AFF1: variants seen among roughly 807,000 people sequenced by gnomAD.
AFF1 encodes the protein ALF transcription elongation factor 1, also known as AF4/FMR2 family member 1.
A neutral mutation model predicts 121.7 loss-of-function variants in AFF1; 48 were observed. That is an observed-to-expected ratio of 0.39 (90% CI 0.31 to 0.50). The LOEUF is 0.50. Ranked by LOEUF, AFF1 falls within the 20% of genes least tolerant of loss-of-function variation. The pLI is 0.76. For missense variants in AFF1, 1,523 were observed against 1,511.7 expected, an observed-to-expected ratio of 1.01 and a Z score of -0.12; for synonymous variants, 613 against 563.0, an observed-to-expected ratio of 1.09 and a Z score of -1.26.
chr4:86,981,233 C>T (rs1226611332), intron 2 of AFF1, among the ~76,000 whole-genome samples: 1 of 152,054 alleles, frequency 6.6e-6, no homozygotes, highest in Non-Finnish European at 1.5e-5. Flanking sequence ...AGGATGGTCT[C>T]GATCTCCTGA....
Position 87,088,845 on chromosome 4 carries a change from T to G in AFF1, c.1105-1139T>G, listed in dbSNP as rs536696539. ...CAGGCTGGAGTGCAATGGCACGATC[T>G]CGGCTCACTGCAACCTCAGCCTCCC... On this transcript the variant is annotated intron_variant, in intron 5 of 20. Coordinates refer to ENST00000395146, the MANE Select transcript of AFF1 (RefSeq NM_001166693.3). 2.0e-5 allele frequency among the ~76,000 whole-genome samples: 3 copies of G among 152,240 alleles called. No individual in the cohort carries two copies. The South Asian group carries it at 6.2e-4, about 32-fold the overall frequency.
chr4:87,023,148 A>C (rs1054848852), intron 2 of AFF1, among the ~76,000 whole-genome samples: 2 of 152,216 alleles, frequency 1.3e-5, no homozygotes, highest in South Asian at 4.2e-4. Flanking sequence ...TGATCCTACC[A>C]CTTTGGGTTC....
At position 87,073,280 on chromosome 4, in the gene AFF1, C is replaced by CAA. The variant is rs55821662; in HGVS notation, c.1060-10807_1060-10806dup. Among the ~76,000 whole-genome samples the CAA allele has an allele frequency of 5.9e-3, 491 of 83,574 alleles. 6 individuals carry two copies. Among genetic ancestry groups the CAA allele is most frequent in the Non-Finnish European group, 7.4e-3 (335 of 45,570 alleles). 54.8% of individuals were successfully genotyped at this position (83,574 alleles called of 152,430 possible). On this transcript the variant is annotated intron_variant, in intron 4 of 20. Transcript: ENST00000395146. ...ATTGCTCATTACCCAGCATTAAAGC[C>CAA]AAAAAAAAAAAAAAAAAAAAAAAAA...
chr4:87,115,304 G>A lies in AFF1; in HGVS notation c.2466+5G>A. On this transcript the variant is annotated splice_donor_5th_base_variant and intron_variant, in intron 12 of 20. Transcript: ENST00000395146. ...AAGTTGGCCAAAAAGAGAAAGGTGA[G>A]TGTGGGGAGACTGCCCTGACTCCAG... 4 of 1,575,148 alleles carry A rather than the reference G, an allele frequency of 2.5e-6. No homozygotes were observed. The highest frequency in any genetic ancestry group is 2.6e-6 in the Non-Finnish European group (3 of 1,158,762).
At chr4:86,949,502 A>G (rs975572993) in intron 2 of AFF1, among the ~76,000 whole-genome samples, 2 of 147,506 alleles carry the variant, frequency 1.4e-5, no homozygotes, top group Non-Finnish European at 3.0e-5. Flanking sequence ...TGTTACTTTT[A>G]TCATAATTTC....
In AFF1 at chr4:87,137,497, C is replaced by T. The variant is rs978561622; in HGVS notation, c.*1796C>T. Reference sequence around the variant, plus strand: ...GACTGTTCTTTGGTTGTCACTAAGTCAGAGGTCTGGTCCCTCATGTTTAGG... The same window carrying T: ...GACTGTTCTTTGGTTGTCACTAAGTTAGAGGTCTGGTCCCTCATGTTTAGG... On this transcript the variant is annotated 3_prime_UTR_variant, in exon 21 of 21. Transcript: ENST00000395146. The T allele has an allele frequency of 2.2e-5, 5 of 230,776 alleles. No homozygotes were observed. Among genetic ancestry groups the T allele is most frequent in the East Asian group, 1.8e-4 (3 of 16,286 alleles). 14.3% of individuals were successfully genotyped at this position (230,776 alleles called of 1,614,324 possible).
intron 2 of AFF1, among the ~76,000 whole-genome samples, chr4:87,025,098 A>G (rs561790583): frequency 1.3e-5 from 2 of 151,974 alleles, no homozygotes; most frequent in East Asian, 3.9e-4. Context: ...GTGACCATCT[A>G]TTGTGTTTAG....
rs973912048 is a variant in AFF1 at position 87,140,972 on chromosome 4, TCTTTC to T, written c.*5276_*5280del. The T allele has an allele frequency of 1.1e-5, 2 of 180,712 alleles. No homozygotes were observed. Among genetic ancestry groups the T allele is most frequent in the African/African-American group, 4.7e-5 (2 of 42,376 alleles). 11.2% of individuals were successfully genotyped at this position (180,712 alleles called of 1,614,324 possible). A position where few individuals can be genotyped will look rare whatever the true frequency, so the allele number is the denominator to read the frequency against. ...AAAATGTAATTGTTCATCTTTAAATTCTTTCCTTTTCATAAGAGGATCAAGCTGTA... is the reference window on the plus strand; with the variant it reads ...AAAATGTAATTGTTCATCTTTAAATTCTTTTCATAAGAGGATCAAGCTGTA... On this transcript the variant is annotated 3_prime_UTR_variant, in exon 21 of 21. Transcript: ENST00000395146.
chr4:87,059,168 A>G (rs539955141), intron 4 of AFF1, among the ~76,000 whole-genome samples: 1 of 152,288 alleles, frequency 6.6e-6, no homozygotes, highest in African/African-American at 2.4e-5. Flanking sequence ...CACCAGAGTG[A>G]TTTTCTAGCC....
At chr4:86,960,847 G>A (rs1051150978) in intron 2 of AFF1, among the ~76,000 whole-genome samples, 5 of 152,174 alleles carry the variant, frequency 3.3e-5, no homozygotes, top group African/African-American at 7.2e-5. Flanking sequence ...GGAGGTCAGA[G>A]ACTGCCCTTT....
intron 2 of AFF1, among the ~76,000 whole-genome samples, chr4:87,030,515 C>T (rs1481143735): frequency 6.6e-6 from 1 of 152,174 alleles, no homozygotes; most frequent in Non-Finnish European, 1.5e-5. Context: ...ATTCTCCCCC[C>T]TTTGCCGCTG....
intron 4 of AFF1, among the ~76,000 whole-genome samples, chr4:87,066,264 G>C (rs935701551): frequency 1.3e-5 from 2 of 152,166 alleles, no homozygotes; most frequent in Non-Finnish European, 2.9e-5. Flanking sequence ...AGTAAGCCCT[G>C]ATGTTTGGCT....
In AFF1 at chr4:86,992,665, T is replaced by C. The variant is rs543826607; in HGVS notation, c.38+44094T>C. Among the ~76,000 whole-genome samples, 8 of 152,306 alleles carry C rather than the reference T, an allele frequency of 5.3e-5. No homozygotes were observed. The South Asian group carries it at 1.0e-3, about 20-fold the overall frequency. The stretch of plus-strand genomic sequence containing the variant: ...GCAAGTTCTCACCTTGACAAAGTTA[T>C]AATTGTATTAGCAAGGGAAGACCCC... On this transcript the variant is annotated intron_variant, in intron 2 of 20. Coordinates refer to ENST00000395146, the MANE Select transcript of AFF1 (RefSeq NM_001166693.3).
intron 2 of AFF1, among the ~76,000 whole-genome samples, chr4:86,953,833 C>T (rs1721550924): frequency 6.6e-6 from 1 of 151,650 alleles, no homozygotes; most frequent in African/African-American, 2.4e-5. Context: ...GATTCTCCTG[C>T]TTCAGCCTCC....
intron 2 of AFF1, chr4:87,007,247 G>A: frequency 6.7e-7 from 1 of 1,489,886 alleles, no homozygotes; most frequent in South Asian, 1.4e-5. Flanking sequence ...CTGCGCCGAG[G>A]ACGCCCGGGG....
At chr4:87,029,803 AT>A (rs1728889273) in intron 2 of AFF1, among the ~76,000 whole-genome samples, 1 of 152,192 alleles carries the variant, frequency 6.6e-6, no homozygotes, top group Non-Finnish European at 1.5e-5. Context: ...CCACACTTCC[AT>A]CAACACACAC....
intron 14 of AFF1, among the ~76,000 whole-genome samples, 178 bp downstream of exon 14, chr4:87,126,514 CA>C (rs1248017389): frequency 6.6e-6 from 1 of 152,106 alleles, no homozygotes; most frequent in Non-Finnish European, 1.5e-5. Flanking sequence ...TAATAATACA[CA>C]AAGATTTAGG....
At chr4:86,948,476 C>T in intron 1 of AFF1, 22 bp from the exon 2 acceptor site, 2 of 1,489,044 alleles carry the variant, frequency 1.3e-6, no homozygotes, top group Admixed American at 2.0e-5. Flanking sequence ...TGTTCACAGG[C>T]TACTCTTTGT....
chr4:87,060,866 AACAC>A (rs1560586060), intron 4 of AFF1, among the ~76,000 whole-genome samples: 3 of 48,518 alleles, frequency 6.2e-5, no homozygotes, highest in Non-Finnish European at 1.2e-4. Context: ...AAAAAAAAAA[AACAC>A]AAAAAAACAA....
Sources: gnomAD v4.1 joint callset for allele counts (sites outside exome capture counted in the v4.1 genomes callset) on GRCh38, gnomAD v4.1.1 for gene constraint, MANE v1.5 for transcripts, NCBI Gene and HGNC (gene_info 2026-07-23, HGNC 2026-07-21) for gene names.